The following MDN1 variants were observed in gnomAD, a reference collection of about 807,000 sequenced individuals.
The protein encoded by MDN1 is midasin AAA ATPase 1.
Under a neutral mutation model 669.2 loss-of-function variants are expected in MDN1, and 266 were observed. That is an observed-to-expected ratio of 0.40 (90% CI 0.36 to 0.44). MDN1 has a LOEUF of 0.44. Among genes scored for constraint, MDN1 ranks in the 20% least tolerant of loss-of-function variants. The probability of loss-of-function intolerance (pLI) is 1.00; values close to 1 mark genes in which losing one functional copy is unlikely to be tolerated. For synonymous variants in MDN1, 2,385 were observed against 2,457.1 expected (o/e 0.97, Z 0.87); for missense variants, 5,940 against 6,754.0 (o/e 0.88, Z 4.22).
intron 35 of MDN1, among the ~76,000 whole-genome samples, chr6:89,730,230 T>G (rs569644261): frequency 3.9e-5 from 6 of 152,310 alleles, no homozygotes; most frequent in African/African-American, 1.2e-4. Flanking sequence ...CATTCACTCA[T>G]CCATCAGAAA....
At chr6:89,796,347 A>AC (rs1819609611) in intron 2 of MDN1, among the ~76,000 whole-genome samples, 1 of 149,696 alleles carries the variant, frequency 6.7e-6, no homozygotes, top group African/African-American at 2.5e-5. Flanking sequence ...AAAAAAAAAA[A>AC]AAACAAAAAA....
At chr6:89,743,802 T>G (rs1816423118) in intron 29 of MDN1, 88 bp from the exon 30 acceptor site, 1 of 1,428,808 alleles carries the variant, frequency 7.0e-7, no homozygotes, top group South Asian at 1.3e-5. Context: ...GAAGAACCAC[T>G]GTGGGAGTCT....
At chr6:89,704,810 G>A (rs1584232966) in intron 53 of MDN1, among the ~76,000 whole-genome samples, 1 of 152,168 alleles carries the variant, frequency 6.6e-6, no homozygotes, top group East Asian at 1.9e-4. Context: ...TTGATCTCCT[G>A]ACCTCGTGAT....
In MDN1 at chr6:89,745,415, T is replaced by A. The variant is rs1352248859; in HGVS notation, c.4040-4A>T. ...GATATCTGAGTAGACAATTTACCTATCCAAGGAAAAATAAATATTTAGATT... is the reference window on the plus strand; with the variant it reads ...GATATCTGAGTAGACAATTTACCTAACCAAGGAAAAATAAATATTTAGATT... On this transcript the variant is annotated splice_polypyrimidine_tract_variant and splice_region_variant and intron_variant, in intron 28 of 101. Coordinates refer to ENST00000369393, the MANE Select transcript of MDN1 (RefSeq NM_014611.3). 1 of 1,613,940 alleles carries A rather than the reference T, an allele frequency of 6.2e-7. No homozygotes were observed. Among genetic ancestry groups the A allele is most frequent in the East Asian group, 2.2e-5 (1 of 44,874 alleles).
chr6:89,813,644 C>G (rs1015392343), intron 1 of MDN1, among the ~76,000 whole-genome samples: 1 of 151,544 alleles, frequency 6.6e-6, no homozygotes, highest in African/African-American at 2.4e-5. Context: ...GGTGGGAGGA[C>G]CATTTGAGCC....
At position 89,654,161 on chromosome 6, in the gene MDN1, C is replaced by T. The variant is rs1289950615; in HGVS notation, c.15661+3G>A. 17 of 1,614,078 alleles carry T rather than the reference C, an allele frequency of 1.1e-5. No individual in the cohort carries two copies. The highest frequency in any genetic ancestry group is 1.4e-5 in the Non-Finnish European group (17 of 1,179,964). ...GAAGGGTTTGTTCACTAGCAGGACT[C>T]ACCCAAGGGTGCTGTGGTGCCCGAC... is the stretch of plus-strand genomic sequence containing the variant. On this transcript the variant is annotated splice_donor_region_variant and intron_variant, in intron 93 of 101. Coordinates refer to ENST00000369393, the MANE Select transcript of MDN1 (RefSeq NM_014611.3).
chr6:89,666,083 C>G (rs568270429), intron 84 of MDN1, among the ~76,000 whole-genome samples: 34 of 152,262 alleles, frequency 2.2e-4, no homozygotes, highest in Middle Eastern at 3.4e-3. Flanking sequence ...CCCCATAACA[C>G]CTCCATCCTC....
chr6:89,723,761 CTTTT>C (rs1238446674), intron 38 of MDN1, 142 bp from the exon 39 acceptor site: 5 of 484,088 alleles, frequency 1.0e-5, no homozygotes, highest in Middle Eastern at 4.7e-4. Context: ...ATAGAAATTT[CTTTT>C]TTTGTGTTTT....
At chr6:89,644,466 C>G (rs1381806180) in intron 101 of MDN1, among the ~76,000 whole-genome samples, 1 of 152,156 alleles carries the variant, frequency 6.6e-6, no homozygotes, top group African/African-American at 2.4e-5. Context: ...TGGTGTCTCC[C>G]CATCATCCAC....
intron 53 of MDN1, among the ~76,000 whole-genome samples, chr6:89,703,118 G>A (rs1466578146): frequency 1.3e-5 from 2 of 152,076 alleles, no homozygotes; most frequent in Admixed American, 1.3e-4. Flanking sequence ...TGTATTTTTA[G>A]TAGAGATGGG....
intron 83 of MDN1, among the ~76,000 whole-genome samples, chr6:89,670,162 A>ATTTTTT (rs1562061975): frequency 4.5e-4 from 10 of 22,292 alleles, no homozygotes; most frequent in African/African-American, 1.8e-3. Flanking sequence ...ATATATATAT[A>ATTTTTT]TATATATATT....
rs1045401918 is a variant in MDN1 at position 89,770,562 on chromosome 6, T to A, written c.2144+999A>T. On this transcript the variant is annotated intron_variant, in intron 15 of 101. Transcript: ENST00000369393. ...CCAAGGTAGAAAGCCTGGAGTGCAGTGGCACAATCTCGGCTAACTCCAGCC... is the reference window on the plus strand; with the variant it reads ...CCAAGGTAGAAAGCCTGGAGTGCAGAGGCACAATCTCGGCTAACTCCAGCC... Among the ~76,000 whole-genome samples, 3 of 152,248 alleles carry A rather than the reference T, an allele frequency of 2.0e-5. No homozygotes were observed. The East Asian group carries it at 5.8e-4, about 29-fold the overall frequency.
chr6:89,703,580 T>C (rs1231554690), intron 53 of MDN1, among the ~76,000 whole-genome samples: 2 of 152,184 alleles, frequency 1.3e-5, no homozygotes, highest in Non-Finnish European at 2.9e-5. Context: ...AAAGCTATTT[T>C]CATAATATCA....
rs200703558 is a variant in MDN1 at position 89,698,911 on chromosome 6, A to G, written c.9122T>C (p.Met3041Thr). Residue 3041 changes from methionine (M) to threonine (T), a missense_variant, in exon 59 of 102, where the codon ATG (methionine) becomes ACG (threonine). Physicochemically the swap from Met to Thr is moderately conservative, Grantham distance 81 (BLOSUM62 -1). Around this residue, in one of 5 missense-constraint regions of MDN1, gnomAD observed 2,292 missense variants for 2,638.3 expected, o/e 0.87. Coordinates refer to ENST00000369393, the MANE Select transcript of MDN1 (RefSeq NM_014611.3). ...YWLMWNPLPGMQQREAPKSVL... is the reference protein window; with the variant it reads ...YWLMWNPLPGTQQREAPKSVL... ...AGACTTGGGTGCCTCCCTCTGCTGCATACCAGGCAAAGGGTTCCACATTAG... is the reference window on the plus strand; with the variant it reads ...AGACTTGGGTGCCTCCCTCTGCTGCGTACCAGGCAAAGGGTTCCACATTAG... 2 of 1,614,198 alleles carry G rather than the reference A, an allele frequency of 1.2e-6. No homozygotes were observed. The highest frequency in any genetic ancestry group is 1.7e-6 in the Non-Finnish European group (2 of 1,180,026).
intron 50 of MDN1, among the ~76,000 whole-genome samples, chr6:89,709,565 T>C (rs182159106): frequency 4.7e-4 from 72 of 152,350 alleles, no homozygotes; most frequent in Admixed American, 2.2e-3. Context: ...TTTTCTCTAT[T>C]GTTTGATTTC....
chr6:89,725,930 TACACACACACACACACACAC>T (rs71024397), intron 37 of MDN1, among the ~76,000 whole-genome samples: 12 of 147,582 alleles, frequency 8.1e-5, no homozygotes, highest in African/African-American at 2.7e-4. Flanking sequence ...TGGTATTTTA[TACACACACACACACACACAC>T]ACACACACAC....
At position 89,695,465 on chromosome 6, in the gene MDN1, C is replaced by G. The variant is rs1217422984; in HGVS notation, c.9771+140G>C. 6 of 1,089,598 alleles carry G rather than the reference C, an allele frequency of 5.5e-6. No homozygotes were observed. In the African/African-American group the frequency reaches 9.6e-5, roughly 17 times the overall value. 67.5% of individuals were successfully genotyped at this position (1,089,598 alleles called of 1,614,324 possible). On this transcript the variant is annotated intron_variant, in intron 61 of 101. Coordinates refer to ENST00000369393, the MANE Select transcript of MDN1 (RefSeq NM_014611.3). The surrounding 1 kb of genome is among the most constrained non-coding windows in gnomAD (Gnocchi z 4.1). Reference sequence around the variant, plus strand: ...AAAATACAGTCTCTAAAACAGACTCCTGGGAAGTCATAAGGCAACTTATGC... The same window carrying G: ...AAAATACAGTCTCTAAAACAGACTCGTGGGAAGTCATAAGGCAACTTATGC...
chr6:89,790,245 A>C lies in MDN1; in HGVS notation c.1012T>G (p.Leu338Val), dbSNP rs1482569625. 5.6e-6 allele frequency: 9 copies of C among 1,614,182 alleles called. No individual in the cohort carries two copies. The highest frequency in any genetic ancestry group is 7.6e-6 in the Non-Finnish European group (9 of 1,180,026). The change falls in exon 6 of 102, where the codon TTA becomes GTA. Residue 338 changes from leucine to valine, a missense_variant. Leu to Val is a conservative substitution (Grantham distance 32). Transcript: ENST00000369393. ...EGPIGCGKTS[L>V]VEYLAAVTGR... ...GTCACTGCAGCTAAATATTCAACTAAGGAAGTTTTGCCACATCCTATTGGT... is the reference window on the plus strand; with the variant it reads ...GTCACTGCAGCTAAATATTCAACTACGGAAGTTTTGCCACATCCTATTGGT...
At chr6:89,665,552 C>T (rs1204777674) in intron 84 of MDN1, among the ~76,000 whole-genome samples, 4 of 150,364 alleles carry the variant, frequency 2.7e-5, no homozygotes, top group Admixed American at 6.6e-5. Flanking sequence ...ACTACATATA[C>T]AAAAATTAGC....
Sources: gnomAD v4.1 joint callset for allele counts (sites outside exome capture counted in the v4.1 genomes callset) on GRCh38, gnomAD v4.1.1 for gene constraint, gnomAD v4.1.1 regional missense constraint, Gnocchi (gnomAD v3.1) non-coding constraint, MANE v1.5 for transcripts, NCBI Gene and HGNC (gene_info 2026-07-23, HGNC 2026-07-21) for gene names.